The following CREB1 variants were observed in gnomAD, a reference collection of about 807,000 sequenced individuals.
CREB1 encodes cAMP responsive element binding protein 1, also known as cyclic AMP-responsive element-binding protein 1.
In CREB1, 2 loss-of-function variants were observed where a neutral mutation model predicts 42.0. The observed-to-expected ratio is 0.05, with a 90% CI of 0.02 to 0.15. CREB1 has a LOEUF of 0.15. Among genes scored for constraint, CREB1 ranks in the 10% least tolerant of loss-of-function variants. The pLI is 1.00. For synonymous variants in CREB1, 123 were observed against 139.9 expected (o/e 0.88, Z 0.85); for missense variants, 199 against 388.9 (o/e 0.51, Z 4.11).
chr2:207,545,429 A>T (rs2081265794), intron 1 of CREB1, among the ~76,000 whole-genome samples: 1 of 152,100 alleles, frequency 6.6e-6, no homozygotes, highest in South Asian at 2.1e-4. Context: ...CTGGTCACGA[A>T]CTTCTCACCT....
At chr2:207,570,631 G>A (rs2082317972) in intron 5 of CREB1, among the ~76,000 whole-genome samples, 1 of 152,100 alleles carries the variant, frequency 6.6e-6, no homozygotes, top group South Asian at 2.1e-4. Flanking sequence ...GAGGCCTCAT[G>A]TGTTGAGAGA....
intron 7 of CREB1, among the ~76,000 whole-genome samples, chr2:207,592,181 G>A (rs2085170640): frequency 6.6e-6 from 1 of 152,124 alleles, no homozygotes; most frequent in Non-Finnish European, 1.5e-5. Context: ...GCTGAGGTAG[G>A]CGGATCACAA....
intron 5 of CREB1, 93 bp downstream of exon 5, chr2:207,570,414 A>T: frequency 8.1e-7 from 1 of 1,239,392 alleles, no homozygotes; most frequent in African/African-American, 1.5e-5. Flanking sequence ...AACCAATACA[A>T]GTGCCAAGTC....
intron 7 of CREB1, among the ~76,000 whole-genome samples, chr2:207,591,462 T>C (rs191184227): frequency 6.6e-6 from 1 of 152,368 alleles, no homozygotes; most frequent in Admixed American, 6.5e-5. Context: ...AATCTTGCTC[T>C]GTTGCCCAGG....
intron 3 of CREB1, among the ~76,000 whole-genome samples, chr2:207,564,840 A>T (rs1243351851): frequency 6.6e-6 from 1 of 152,188 alleles, no homozygotes; most frequent in Admixed American, 6.5e-5. Flanking sequence ...TTAAAGACCT[A>T]TTTAAGGAAT....
At position 207,601,809 on chromosome 2, in the gene CREB1, T is replaced by G; in HGVS notation, c.*4751T>G. 1 of 219,204 alleles carries G rather than the reference T, an allele frequency of 4.6e-6. No homozygotes were observed. Among genetic ancestry groups the G allele is most frequent in the East Asian group, 6.7e-5 (1 of 14,848 alleles). 13.6% of individuals were successfully genotyped at this position (219,204 alleles called of 1,614,324 possible). Reference sequence around the variant, plus strand: ...CATAGTAAGGCTGTAGGTGAAGAGTTGTGAGATAAATAGTTCACTCAGTTG... The same window carrying G: ...CATAGTAAGGCTGTAGGTGAAGAGTGGTGAGATAAATAGTTCACTCAGTTG... On this transcript the variant is annotated 3_prime_UTR_variant, in exon 8 of 8. Coordinates refer to ENST00000353267, the MANE Select transcript of CREB1 (RefSeq NM_004379.5).
rs2082505162 is a variant in CREB1 at position 207,574,693 on chromosome 2, ATAAT to A, written c.506-575_506-572del. The stretch of plus-strand genomic sequence containing the variant: ...TTTAAAATTCCATGAGAGACTGTTG[ATAAT>A]TAAGTTCCATAGGATATTTCAGTTG... On this transcript the variant is annotated intron_variant, in intron 5 of 7. Transcript: ENST00000353267. Among the ~76,000 whole-genome samples the A allele has an allele frequency of 2.0e-5, 3 of 152,318 alleles. No homozygotes were observed. The East Asian group carries it at 5.8e-4, about 29-fold the overall frequency.
chr2:207,530,616 C>T lies in CREB1; in HGVS notation c.-9+482C>T, dbSNP rs572676591. ...CCGCCCGCCTCGCCCCCGGCCCGAC[C>T]CGGCCGGGCCTCCGGGGCAGCCGCC... On this transcript the variant is annotated intron_variant, in intron 1 of 7. Coordinates refer to ENST00000353267, the MANE Select transcript of CREB1 (RefSeq NM_004379.5). 1.0e-2 allele frequency among the ~76,000 whole-genome samples: 1,489 copies of T among 148,902 alleles called. 13 individuals are homozygous for T. Among genetic ancestry groups the T allele is most frequent in the Non-Finnish European group, 0.013 (884 of 67,018 alleles).
At chr2:207,541,313 C>G (rs778161437) in intron 1 of CREB1, among the ~76,000 whole-genome samples, 1 of 152,314 alleles carries the variant, frequency 6.6e-6, no homozygotes, top group South Asian at 2.1e-4. Flanking sequence ...CACACTGATT[C>G]ACCCAGACCA....
intron 7 of CREB1, among the ~76,000 whole-genome samples, chr2:207,583,140 T>A (rs1402476812): frequency 6.6e-6 from 1 of 152,078 alleles, no homozygotes; most frequent in Admixed American, 6.6e-5. Flanking sequence ...AATCTAGAGG[T>A]GATTTTAAGT....
At chr2:207,587,167 G>A (rs1053731286) in intron 7 of CREB1, among the ~76,000 whole-genome samples, 1 of 152,170 alleles carries the variant, frequency 6.6e-6, no homozygotes, top group Non-Finnish European at 1.5e-5. Context: ...GCCAAGGCGG[G>A]TGGATCACAA....
intron 5 of CREB1, among the ~76,000 whole-genome samples, chr2:207,572,078 T>C (rs2082387493): frequency 6.6e-6 from 1 of 151,828 alleles, no homozygotes; most frequent in Admixed American, 6.6e-5. Flanking sequence ...ATACAAAAAT[T>C]AGCCGGGCAT....
chr2:207,537,198 G>C (rs1041934789), intron 1 of CREB1, among the ~76,000 whole-genome samples: 1 of 151,968 alleles, frequency 6.6e-6, no homozygotes, highest in Admixed American at 6.6e-5. Flanking sequence ...GGGATTACAG[G>C]CGCCTGCCAC....
chr2:207,569,894 A>G (rs897090113), intron 4 of CREB1, among the ~76,000 whole-genome samples: 4 of 151,906 alleles, frequency 2.6e-5, no homozygotes, highest in Non-Finnish European at 5.9e-5. Flanking sequence ...ATACCAAAAA[A>G]ATTAGCCAGG....
rs1045448254 is a variant in CREB1 at position 207,604,829 on chromosome 2, C to T, written c.*7771C>T. ...CCGGGTATTTCATGTGAGACTCATACACTGTGTATTACTTCTTTCGTCTAG... is the reference window on the plus strand; with the variant it reads ...CCGGGTATTTCATGTGAGACTCATATACTGTGTATTACTTCTTTCGTCTAG... On this transcript the variant is annotated 3_prime_UTR_variant, in exon 8 of 8. Transcript: ENST00000353267. Among the ~76,000 whole-genome samples the T allele has an allele frequency of 2.6e-5, 4 of 152,228 alleles. No individual in the cohort carries two copies.
In CREB1 at chr2:207,572,697, TC is replaced by T. The variant is rs1395929666; in HGVS notation, c.505+2379del. ...CGAGCGAGGTGGCGGGCACCTGTAG[TC>T]CCAGCTACTCGGGAGGCTGAGGCAG... On this transcript the variant is annotated intron_variant, in intron 5 of 7. Coordinates refer to ENST00000353267, the MANE Select transcript of CREB1 (RefSeq NM_004379.5). Among the ~76,000 whole-genome samples the T allele has an allele frequency of 1.1e-4, 17 of 152,020 alleles. No homozygotes were observed. The South Asian group carries it at 3.5e-3, about 32-fold the overall frequency.
At chr2:207,569,175 G>T (rs1167986069) in intron 4 of CREB1, among the ~76,000 whole-genome samples, 1 of 151,520 alleles carries the variant, frequency 6.6e-6, no homozygotes, top group Admixed American at 6.6e-5. Context: ...CTTTTTATTT[G>T]TTTTTCTATT....
At chr2:207,592,520 A>G (rs986951559) in intron 7 of CREB1, among the ~76,000 whole-genome samples, 5 of 152,180 alleles carry the variant, frequency 3.3e-5, no homozygotes, top group African/African-American at 1.2e-4. Flanking sequence ...AGCAATTCAA[A>G]TATAATATGC....
chr2:207,576,634 C>G (rs1436561091), intron 6 of CREB1: 1 of 1,284,858 alleles, frequency 7.8e-7, no homozygotes. Flanking sequence ...CATGCAGGTA[C>G]TCAAAAATTG....
Sources: gnomAD v4.1 joint callset for allele counts (sites outside exome capture counted in the v4.1 genomes callset) on GRCh38, gnomAD v4.1.1 for gene constraint, MANE v1.5 for transcripts, NCBI Gene and HGNC (gene_info 2026-07-23, HGNC 2026-07-21) for gene names.